Variants in CLPTM1 observed in about 807,000 individuals in gnomAD.
CLPTM1 encodes the protein putative lipid scramblase CLPTM1.
CLPTM1 carries 21 observed loss-of-function variants against 77.3 expected under a neutral mutation model. The observed-to-expected ratio is 0.27, with a 90% CI of 0.19 to 0.39. The LOEUF (loss-of-function observed/expected upper bound fraction) is 0.39. Ranked by LOEUF, CLPTM1 falls within the 10% of genes least tolerant of loss-of-function variation. The pLI is 1.00. For synonymous variants in CLPTM1, 373 were observed against 381.0 expected, an observed-to-expected ratio of 0.98 and a Z score of 0.24; for missense variants, 642 against 921.2, an observed-to-expected ratio of 0.70 and a Z score of 3.92.
upstream of CLPTM1, chr19:44,955,102 G>A (rs1970437347): frequency 1.3e-6 from 2 of 1,535,722 alleles, no homozygotes; most frequent in South Asian, 1.2e-5. Context: ...TAATGTGAAG[G>A]GACGGAAGGG....
At chr19:44,967,555 G>A (rs1032830249) in intron 2 of CLPTM1, among the ~76,000 whole-genome samples, 2 of 151,994 alleles carry the variant, frequency 1.3e-5, no homozygotes, top group Non-Finnish European at 2.9e-5. Context: ...TATTCAGGAG[G>A]CTGAGGCAGG....
Position 44,990,668 on chromosome 19 carries a change from C to A in CLPTM1, c.1323+83C>A. ...GGCCCAGCTGGACCCTGGAGCTGGC[C>A]CCCGGGGGATTCCCAGCAAGTGCCT... On this transcript the variant is annotated intron_variant, in intron 10 of 13. Coordinates refer to ENST00000337392, the MANE Select transcript of CLPTM1 (RefSeq NM_001294.4). The surrounding 1 kb of genome is among the most constrained non-coding windows in gnomAD (Gnocchi z 4.8). 1 of 1,499,142 alleles carries A rather than the reference C, an allele frequency of 6.7e-7. No homozygotes were observed. Among genetic ancestry groups the A allele is most frequent in the South Asian group, 1.2e-5 (1 of 84,582 alleles). 92.9% of individuals were successfully genotyped at this position (1,499,142 alleles called of 1,614,324 possible).
intron 2 of CLPTM1, among the ~76,000 whole-genome samples, chr19:44,964,298 CTTTTTTTTTTTTTTTTT>C (rs35539206): frequency 8.8e-5 from 6 of 68,126 alleles, no homozygotes; most frequent in African/African-American, 2.5e-4. Flanking sequence ...TCATTTTAAC[CTTTTTTTTTTTTTTTTT>C]TTTTTTTTTT....
intron 1 of CLPTM1, among the ~76,000 whole-genome samples, chr19:44,959,087 T>G (rs1970505485): frequency 6.6e-6 from 1 of 152,244 alleles, no homozygotes; most frequent in Admixed American, 6.5e-5. Context: ...TGCTCAGTGG[T>G]AGTCTGCAGA....
chr19:44,972,414 A>G (rs78541026), intron 2 of CLPTM1, among the ~76,000 whole-genome samples: 3 of 150,442 alleles, frequency 2.0e-5, no homozygotes, highest in African/African-American at 7.4e-5. Context: ...TGCCCAGCTA[A>G]TTTTTTTGTA....
chr19:44,978,841 A>T (rs924686640), intron 5 of CLPTM1, among the ~76,000 whole-genome samples: 1 of 143,230 alleles, frequency 7.0e-6, no homozygotes, highest in East Asian at 2.2e-4. Context: ...AGAGTACATC[A>T]GTAGTCCCAG....
intron 5 of CLPTM1, among the ~76,000 whole-genome samples, chr19:44,979,720 C>T (rs1019715404): frequency 4.6e-5 from 7 of 152,224 alleles, no homozygotes; most frequent in East Asian, 1.9e-4. Flanking sequence ...GAATGTGCTG[C>T]GTTGGTATGT....
At chr19:44,981,964 T>C (rs546119232) in intron 5 of CLPTM1, among the ~76,000 whole-genome samples, 7 of 152,192 alleles carry the variant, frequency 4.6e-5, no homozygotes, top group African/African-American at 1.7e-4. Flanking sequence ...AATAGTTTAA[T>C]TGAGCTCAAC....
intron 1 of CLPTM1, among the ~76,000 whole-genome samples, chr19:44,957,862 C>T (rs1970487378): frequency 6.6e-6 from 1 of 152,226 alleles, no homozygotes; most frequent in South Asian, 2.1e-4. Context: ...CATGCTAGGC[C>T]TTTGCTGATG....
rs1970775568 is a variant in CLPTM1, at chr19:44,974,544, G to A, written c.415G>A (p.Gly139Ser). ...TCTTGTGTATGGCGACTGGACTAGCGGCGAGAACTCAGACGGCTGCTACGA... is the reference window on the plus strand; with the variant it reads ...TCTTGTGTATGGCGACTGGACTAGCAGCGAGAACTCAGACGGCTGCTACGA... The part of the protein sequence containing the change: ...HDLVYGDWTS[G>S]ENSDGCYEHF... Residue 139 changes from glycine (G) to serine (S), a missense_variant, in exon 4 of 14, where the codon GGC (glycine) becomes AGC (serine). Physicochemically the swap from Gly to Ser is moderately conservative, Grantham distance 56 (BLOSUM62 0). Transcript: ENST00000337392. 2 of 1,614,082 alleles carry A rather than the reference G, an allele frequency of 1.2e-6. No individual in the cohort carries two copies. The highest frequency in any genetic ancestry group is 1.3e-5 in the African/African-American group (1 of 74,936).
upstream of CLPTM1, chr19:44,954,842 G>C: frequency 1.7e-6 from 2 of 1,201,288 alleles, no homozygotes; most frequent in Non-Finnish European, 1.1e-6. Flanking sequence ...AAGGATATGA[G>C]CTCAGGAGAC....
At chr19:44,958,434 C>T (rs1444602229) in intron 1 of CLPTM1, among the ~76,000 whole-genome samples, 2 of 151,650 alleles carry the variant, frequency 1.3e-5, no homozygotes, top group Admixed American at 1.3e-4. Flanking sequence ...TTTCTCACCA[C>T]AATCTCGGCT....
Position 44,955,486 on chromosome 19 carries a change from G to T in CLPTM1, c.72+19G>T. On this transcript the variant is annotated intron_variant, in intron 1 of 13. Transcript: ENST00000337392. ...CGGTCAGGTACGGAGGCCGAGAGGG[G>T]ACTGAGGGGGTTCTTCCCCAGCCGG... 7.8e-7 allele frequency: 1 copy of T among 1,287,558 alleles called. No homozygotes were observed. 79.8% of individuals were successfully genotyped at this position (1,287,558 alleles called of 1,614,324 possible).
At position 44,991,337 on chromosome 19, in the gene CLPTM1, G is replaced by T; in HGVS notation, c.1519G>T (p.Val507Leu). Residue 507 changes from valine (V) to leucine (L), a missense_variant, in exon 12 of 14, where the codon GTG (valine) becomes TTG (leucine). Val to Leu is a conservative substitution (Grantham distance 32, BLOSUM62 1). Around this residue, in one of 2 missense-constraint regions of CLPTM1, gnomAD observed 521 missense variants for 800.4 expected, o/e 0.65. Transcript: ENST00000337392. This position sits in a 1 kb window ranked among gnomAD's most constrained non-coding sequence, Gnocchi z 5.4. The part of the protein sequence containing the change: ...YLEHKGWYSW[V>L]LSMLYGFLLT... The stretch of plus-strand genomic sequence containing the variant: ...GGAGCACAAGGGCTGGTACTCCTGG[G>T]TGCTCAGCATGCTCTACGGCTTCCT... The T allele has an allele frequency of 6.2e-7, 1 of 1,613,876 alleles. No homozygotes were observed. The highest frequency in any genetic ancestry group is 8.5e-7 in the Non-Finnish European group (1 of 1,179,968).
intron 5 of CLPTM1, 91 bp from the exon 6 acceptor site, chr19:44,985,127 G>T: frequency 1.2e-6 from 1 of 835,384 alleles, no homozygotes; most frequent in Non-Finnish European, 2.0e-6. Context: ...AGGAGACCGT[G>T]AGCCGTTGCT....
intron 6 of CLPTM1, among the ~76,000 whole-genome samples, chr19:44,985,632 C>T (rs1400573588): frequency 5.9e-5 from 9 of 152,226 alleles, no homozygotes; most frequent in Non-Finnish European, 1.5e-5. Flanking sequence ...CCCACACAGC[C>T]AGGCCCCAGA....
intron 5 of CLPTM1, among the ~76,000 whole-genome samples, chr19:44,978,508 C>G (rs1379613693): frequency 6.6e-6 from 1 of 152,122 alleles, no homozygotes; most frequent in Non-Finnish European, 1.5e-5. Flanking sequence ...TGGTGAGCAC[C>G]TGTGGTTCCA....
In CLPTM1 at chr19:44,976,285, G is replaced by A. The variant is rs183573397; in HGVS notation, c.469-1058G>A. On this transcript the variant is annotated intron_variant, in intron 4 of 13. Coordinates refer to ENST00000337392, the MANE Select transcript of CLPTM1 (RefSeq NM_001294.4). Reference sequence around the variant, plus strand: ...CAGGGGGATCTGCTTCCAAGGGCTTGGATCTAAGTCGAAGCTTCAGGGTGG... The same window carrying A: ...CAGGGGGATCTGCTTCCAAGGGCTTAGATCTAAGTCGAAGCTTCAGGGTGG... Among the ~76,000 whole-genome samples the A allele has an allele frequency of 4.5e-3, 678 of 152,270 alleles. 6 individuals are homozygous for A. The highest frequency in any genetic ancestry group is 0.015 in the African/African-American group (642 of 41,562).
chr19:44,958,439 T>G (rs988736803), intron 1 of CLPTM1, among the ~76,000 whole-genome samples: 8 of 151,572 alleles, frequency 5.3e-5, no homozygotes, highest in African/African-American at 1.7e-4. Context: ...CACCACAATC[T>G]CGGCTCACTG....
Sources: gnomAD v4.1 joint callset for allele counts (sites outside exome capture counted in the v4.1 genomes callset) on GRCh38, gnomAD v4.1.1 for gene constraint, gnomAD v4.1.1 regional missense constraint, Gnocchi (gnomAD v3.1) non-coding constraint, MANE v1.5 for transcripts, NCBI Gene and HGNC (gene_info 2026-07-23, HGNC 2026-07-21) for gene names.